PGCKA1: variants seen among roughly 807,000 people sequenced by gnomAD.
PGCKA1 encodes the protein PDCD10 and GCKIII kinases-associated protein 1.
the PGCKA1 span, among the ~76,000 whole-genome samples, chr4:37,532,813 G>A: frequency 0.071 from 9,606 of 135,108 alleles, 1,068 homozygotes; most frequent in African/African-American, 0.24. Context: ...ACTAGCAGGA[G>A]TGAATACTGT....
At chr4:37,489,097 G>A in the PGCKA1 span, among the ~76,000 whole-genome samples, 1 of 152,074 alleles carries the variant, frequency 6.6e-6, no homozygotes, top group Non-Finnish European at 1.5e-5. Context: ...GGGGCTTAGG[G>A]GAAGAAGGAA....
the PGCKA1 span, among the ~76,000 whole-genome samples, chr4:37,586,532 T>C: frequency 6.6e-6 from 1 of 152,132 alleles, no homozygotes; most frequent in Admixed American, 6.6e-5. Flanking sequence ...GACAAGGGGT[T>C]TGGTCCTCAA....
At chr4:37,529,752 G>T in the PGCKA1 span, among the ~76,000 whole-genome samples, 15 of 152,234 alleles carry the variant, frequency 9.9e-5, no homozygotes, top group Non-Finnish European at 1.5e-4. Flanking sequence ...GTCTGTAGCC[G>T]CCCCCTTCCC....
chr4:37,556,526 C>T, the PGCKA1 span, among the ~76,000 whole-genome samples: 1 of 152,170 alleles, frequency 6.6e-6, no homozygotes, highest in Non-Finnish European at 1.5e-5. Flanking sequence ...GTCTCAGCCC[C>T]GCTGAGTGCT....
chr4:37,527,095 A>AT, the PGCKA1 span, among the ~76,000 whole-genome samples: 29,532 of 133,478 alleles, frequency 0.22, 3,051 homozygotes, highest in Admixed American at 0.25. Context: ...GGTTTTTTTA[A>AT]TTAAAAAAAA....
chr4:37,566,259 T>C, the PGCKA1 span, among the ~76,000 whole-genome samples: 6,716 of 151,008 alleles, frequency 0.044, 166 homozygotes, highest in Non-Finnish European at 0.052. Context: ...TTGTTTCTTT[T>C]TTTGTTCTTT....
At chr4:37,474,327 C>T in the PGCKA1 span, among the ~76,000 whole-genome samples, 1 of 152,058 alleles carries the variant, frequency 6.6e-6, no homozygotes, top group Non-Finnish European at 1.5e-5. Flanking sequence ...ATAAAAGTCC[C>T]CCTGACCTCG....
the PGCKA1 span, among the ~76,000 whole-genome samples, chr4:37,517,730 C>T: frequency 6.6e-6 from 1 of 152,108 alleles, no homozygotes; most frequent in Non-Finnish European, 1.5e-5. Context: ...TCCATCCCCT[C>T]GAGTATTTAT....
chr4:37,467,924 G>A, the PGCKA1 span, among the ~76,000 whole-genome samples: 1 of 152,210 alleles, frequency 6.6e-6, no homozygotes, highest in Non-Finnish European at 1.5e-5. Flanking sequence ...ACTCCCATTT[G>A]TGGTTTGTAC....
chr4:37,591,079 G>A, the PGCKA1 span: 2 of 1,238,808 alleles, frequency 1.6e-6, no homozygotes, highest in Non-Finnish European at 1.1e-6. Flanking sequence ...TGCATAGCAG[G>A]TGATTCTGCC....
chr4:37,548,487 G>A, the PGCKA1 span, among the ~76,000 whole-genome samples: 1 of 151,972 alleles, frequency 6.6e-6, no homozygotes. Context: ...AAGGAAAAAT[G>A]CAACAGGTTT....
chr4:37,556,733 G>A, the PGCKA1 span, among the ~76,000 whole-genome samples: 1 of 152,150 alleles, frequency 6.6e-6, no homozygotes, highest in African/African-American at 2.4e-5. Context: ...TGATATTGTA[G>A]TTCATTGTAA....
the PGCKA1 span, chr4:37,454,183 A>T: frequency 6.6e-6 from 1 of 152,174 alleles, no homozygotes; most frequent in Non-Finnish European, 1.5e-5. Flanking sequence ...CTGAAAAAAA[A>T]AATTAGAGAC....
the PGCKA1 span, among the ~76,000 whole-genome samples, chr4:37,480,414 A>G: frequency 6.6e-6 from 1 of 152,080 alleles, no homozygotes; most frequent in Non-Finnish European, 1.5e-5. Flanking sequence ...AATTGCTTGA[A>G]CCCGGGAGGC....
the PGCKA1 span, among the ~76,000 whole-genome samples, chr4:37,477,625 A>AG: frequency 6.6e-6 from 1 of 152,222 alleles, no homozygotes; most frequent in African/African-American, 2.4e-5. Flanking sequence ...TAACCTTCTA[A>AG]ACTTAAAAGT....
At chr4:37,572,212 G>A in the PGCKA1 span, among the ~76,000 whole-genome samples, 12,818 of 150,922 alleles carry the variant, frequency 0.085, 696 homozygotes, top group Middle Eastern at 0.26. Flanking sequence ...ACAGGCGCCC[G>A]CCACTACGCC....
chr4:37,455,768 G>A, the PGCKA1 span, among the ~76,000 whole-genome samples: 17 of 152,178 alleles, frequency 1.1e-4, no homozygotes, highest in African/African-American at 3.6e-4. Context: ...GCTAAGCTCC[G>A]GCCAGAATCC....
chr4:37,543,995 C>A, the PGCKA1 span, among the ~76,000 whole-genome samples: 1 of 152,146 alleles, frequency 6.6e-6, no homozygotes, highest in East Asian at 1.9e-4. Context: ...TTTTATCTAT[C>A]CCTTGTCATT....
chr4:37,572,072 T>TC, the PGCKA1 span, among the ~76,000 whole-genome samples: 1 of 121,898 alleles, frequency 8.2e-6, no homozygotes, highest in African/African-American at 3.0e-5. Context: ...TCTTTTTTTT[T>TC]TTTTTTTTGA....
Sources: allele counts gnomAD v4.1 joint callset (sites outside exome capture counted in the v4.1 genomes callset), GRCh38; gene constraint gnomAD v4.1.1; transcripts MANE v1.5; gene names NCBI Gene and HGNC (gene_info 2026-07-23, HGNC 2026-07-21).